Variants in CDK7 observed in about 807,000 individuals in gnomAD.
The protein encoded by CDK7 is cyclin dependent kinase 7, also known as cyclin-dependent kinase 7.
Under a neutral mutation model 49.1 loss-of-function variants are expected in CDK7, and 25 were observed. That is an observed-to-expected ratio of 0.51 (90% CI 0.37 to 0.71). The LOEUF (loss-of-function observed/expected upper bound fraction) is 0.71, where lower values mean the gene tolerates loss of function less well. Ranked by LOEUF, CDK7 falls within the 30% of genes least tolerant of loss-of-function variation. CDK7 has a pLI of 0.00. For synonymous variants in CDK7, 107 were observed against 140.0 expected (o/e 0.76, Z 1.67); for missense variants, 316 against 411.7 (o/e 0.77, Z 2.01).
chr5:69,269,158 TA>T (rs59967147), intron 8 of CDK7, 48 bp from the exon 9 acceptor site: 256,929 of 1,008,062 alleles, frequency 0.25, 18,049 homozygotes, highest in African/African-American at 0.5. Flanking sequence ...AGAAAAAAAT[TA>T]AAAAAAAAAA....
At chr5:69,241,205 A>G (rs28768211) in intron 2 of CDK7, among the ~76,000 whole-genome samples, 100,646 of 151,876 alleles carry the variant, frequency 0.66, 35,038 homozygotes, top group African/African-American at 0.89. Flanking sequence ...CCCACCAACA[A>G]TGTACCTAGG....
At chr5:69,257,482 G>A (rs1361249188) in intron 5 of CDK7, among the ~76,000 whole-genome samples, 1 of 152,180 alleles carries the variant, frequency 6.6e-6, no homozygotes, top group East Asian at 1.9e-4. Context: ...CATGTGTACA[G>A]TTCTCAATAT....
Position 69,254,554 on chromosome 5 carries a change from G to GT in CDK7, c.161-45dup, listed in dbSNP as rs755850309. The GT allele has an allele frequency of 1.0e-5, 9 of 879,622 alleles. No homozygotes were observed. In the East Asian group the frequency reaches 2.2e-4, roughly 21 times the overall value. 54.5% of individuals were successfully genotyped at this position (879,622 alleles called of 1,614,324 possible). On this transcript the variant is annotated intron_variant, in intron 3 of 11. Coordinates refer to ENST00000256443, the MANE Select transcript of CDK7 (RefSeq NM_001799.4). ...AAAAAAAAAAAGAAGTGTTTGTAAG[G>GT]TTTGAGATTTCAGAATTATTCACTT...
chr5:69,260,426 C>T (rs1354973133), intron 7 of CDK7, among the ~76,000 whole-genome samples: 1 of 152,040 alleles, frequency 6.6e-6, no homozygotes, highest in Non-Finnish European at 1.5e-5. Context: ...TGAAAAAATA[C>T]ATAGCCCCTT....
intron 8 of CDK7, among the ~76,000 whole-genome samples, chr5:69,266,480 T>G (rs1442853835): frequency 2.0e-5 from 3 of 151,902 alleles, no homozygotes; most frequent in African/African-American, 7.3e-5. Context: ...TCCCAGCTAC[T>G]CGGGAAGGTG....
chr5:69,238,487 C>A (rs2932782), intron 2 of CDK7, among the ~76,000 whole-genome samples: 91,766 of 150,998 alleles, frequency 0.61, 28,474 homozygotes, highest in African/African-American at 0.74. Context: ...GGGTCTCACT[C>A]TGTTGACTAG....
intron 2 of CDK7, among the ~76,000 whole-genome samples, chr5:69,237,217 C>T (rs1344516238): frequency 6.6e-6 from 1 of 152,054 alleles, no homozygotes; most frequent in Non-Finnish European, 1.5e-5. Flanking sequence ...CCTTCCACCC[C>T]AGCCTCCAAG....
chr5:69,270,183 C>G (rs867253491), intron 9 of CDK7, among the ~76,000 whole-genome samples: 11 of 152,118 alleles, frequency 7.2e-5, no homozygotes, highest in African/African-American at 2.4e-4. Context: ...CGCCTGTAAT[C>G]CCAGCACTTT....
chr5:69,238,936 T>C (rs906203574), intron 2 of CDK7, among the ~76,000 whole-genome samples: 4 of 152,196 alleles, frequency 2.6e-5, no homozygotes, highest in African/African-American at 7.2e-5. Flanking sequence ...TCCAGTTGAT[T>C]CATGCTCGTT....
chr5:69,269,392 A>G, intron 9 of CDK7, 99 bp downstream of exon 9: 2 of 741,738 alleles, frequency 2.7e-6, no homozygotes, highest in Non-Finnish European at 4.5e-6. Flanking sequence ...AATATTAAAG[A>G]CATTCATTAT....
At chr5:69,248,802 C>CTTTTTTTTTTTTTTTTTTT (rs70992911) in intron 2 of CDK7, among the ~76,000 whole-genome samples, 37 of 92,242 alleles carry the variant, frequency 4.0e-4, no homozygotes, top group East Asian at 6.4e-4. Context: ...TTTTTTTTTT[C>CTTTTTTTTTTTTTTTTTTT]TTTTTTTTTT....
chr5:69,273,076 T>C (rs752136132), intron 10 of CDK7, 35 bp downstream of exon 10: 3 of 1,385,640 alleles, frequency 2.2e-6, no homozygotes, highest in South Asian at 3.2e-5. Context: ...CTAGGAAATA[T>C]AAAAATAATC....
At chr5:69,269,149 GAAAA>G (rs1751358329) in intron 8 of CDK7, 54 bp from the exon 9 acceptor site, 2 of 1,136,920 alleles carry the variant, frequency 1.8e-6, no homozygotes, top group East Asian at 2.4e-5. Flanking sequence ...TCTAAAAAAA[GAAAA>G]AAATTAAAAA....
intron 4 of CDK7, among the ~76,000 whole-genome samples, chr5:69,255,044 A>G (rs889241741): frequency 2.0e-5 from 3 of 152,328 alleles, no homozygotes; most frequent in South Asian, 2.1e-4. Context: ...AGACTAGCCA[A>G]TTGAATAGAT....
chr5:69,255,222 T>C (rs1365370383), intron 4 of CDK7, among the ~76,000 whole-genome samples: 2 of 152,220 alleles, frequency 1.3e-5, no homozygotes, highest in African/African-American at 4.8e-5. Context: ...CTCCAAATAT[T>C]TGGGGAAAGA....
chr5:69,248,547 C>T (rs557773298), intron 2 of CDK7, among the ~76,000 whole-genome samples: 36 of 152,082 alleles, frequency 2.4e-4, no homozygotes, highest in African/African-American at 8.7e-4. Context: ...TGCCACCACG[C>T]CCAGCTAATT....
intron 6 of CDK7, among the ~76,000 whole-genome samples, chr5:69,259,006 G>C (rs1268461924): frequency 6.6e-6 from 1 of 151,952 alleles, no homozygotes; most frequent in South Asian, 2.1e-4. Context: ...AGCCCAGGAG[G>C]TGGGGGTTGC....
At chr5:69,262,955 T>G (rs1561367632) in intron 8 of CDK7, among the ~76,000 whole-genome samples, 1 of 152,196 alleles carries the variant, frequency 6.6e-6, no homozygotes, top group Non-Finnish European at 1.5e-5. Context: ...TGGGTCTGTT[T>G]TAAGTGCGCT....
At chr5:69,253,256 CT>C (rs1404620831) in intron 3 of CDK7, among the ~76,000 whole-genome samples, 7 of 152,156 alleles carry the variant, frequency 4.6e-5, no homozygotes, top group African/African-American at 1.7e-4. Context: ...AATACTATAT[CT>C]TATTTTTATT....
Sources: allele counts gnomAD v4.1 joint callset (sites outside exome capture counted in the v4.1 genomes callset), GRCh38; gene constraint gnomAD v4.1.1; transcripts MANE v1.5; gene names NCBI Gene and HGNC (gene_info 2026-07-23, HGNC 2026-07-21).